Variants in GLIS3 observed in about 807,000 individuals in gnomAD.
The protein encoded by GLIS3 is GLIS family zinc finger 3, also known as zinc finger protein GLIS3.
A neutral mutation model predicts 78.6 loss-of-function variants in GLIS3; 53 were observed. The observed-to-expected ratio is 0.67, with a 90% CI of 0.54 to 0.85. The LOEUF (loss-of-function observed/expected upper bound fraction) is 0.85, where lower values mean the gene tolerates loss of function less well. GLIS3 is among the 40% of genes least tolerant of loss of function. GLIS3 has a pLI of 0.00. For missense variants in GLIS3, 1,703 were observed against 1,231.1 expected (o/e 1.38, Z -5.74); for synonymous variants, 684 against 509.9 (o/e 1.34, Z -4.60).
At chr9:3,911,584 C>T (rs1463517385) in intron 6 of GLIS3, among the ~76,000 whole-genome samples, 1 of 152,194 alleles carries the variant, frequency 6.6e-6, no homozygotes, top group African/African-American at 2.4e-5. Context: ...CTTATAATAG[C>T]CTATCCACAA....
chr9:4,137,113 T>C (rs1294754923), intron 2 of GLIS3, among the ~76,000 whole-genome samples: 2 of 152,052 alleles, frequency 1.3e-5, no homozygotes, highest in Non-Finnish European at 2.9e-5. Context: ...AATGACAAAA[T>C]AAGAAAGCAA....
At chr9:4,298,813 G>A (rs546735107) in intron 1 of GLIS3, among the ~76,000 whole-genome samples, 53 of 152,288 alleles carry the variant, frequency 3.5e-4, no homozygotes, top group African/African-American at 1.3e-3. Context: ...CCCGCGAGGA[G>A]TGTAGGTACC....
At chr9:4,487,023 A>T in the GLIS3 span, among the ~76,000 whole-genome samples, 81 of 152,266 alleles carry the variant, frequency 5.3e-4, no homozygotes, top group Admixed American at 1.2e-3. Context: ...TGGAAATGCA[A>T]AAAGTAGAAG....
rs145621667 is a variant in GLIS3, at chr9:4,282,350, A to G, written c.388+3688T>C. 1.2e-3 allele frequency among the ~76,000 whole-genome samples: 180 copies of G among 152,296 alleles called. 1 individual carries two copies. The East Asian group carries it at 0.027, about 23-fold the overall frequency. ...TTCTATGAGGGTGTTTTTGGGTAAG[A>G]TTAACATTTAGTCAGTACACTGAGT... On this transcript the variant is annotated intron_variant, in intron 2 of 10. Coordinates refer to ENST00000381971, the MANE Select transcript of GLIS3 (RefSeq NM_001042413.2).
chr9:4,271,583 T>TA (rs1416503762), intron 2 of GLIS3, among the ~76,000 whole-genome samples: 1 of 152,176 alleles, frequency 6.6e-6, no homozygotes, highest in African/African-American at 2.4e-5. Context: ...GGCATATTCT[T>TA]ACAGTTTCTC....
intron 1 of GLIS3, among the ~76,000 whole-genome samples, chr9:4,347,451 G>T (rs986719830): frequency 6.6e-6 from 1 of 152,078 alleles, no homozygotes; most frequent in African/African-American, 2.4e-5. Flanking sequence ...AAAGTATCTG[G>T]ATCAGGGCTA....
At chr9:3,865,704 G>A (rs10491902) in intron 8 of GLIS3, among the ~76,000 whole-genome samples, 29,351 of 152,104 alleles carry the variant, frequency 0.19, 3,166 homozygotes, top group Middle Eastern at 0.24. Context: ...GGACTAAGAA[G>A]ACATCATCTT....
the GLIS3 span, among the ~76,000 whole-genome samples, chr9:4,407,971 T>C: frequency 6.6e-6 from 1 of 152,176 alleles, no homozygotes; most frequent in Admixed American, 6.5e-5. Context: ...TGAAAAGACA[T>C]TTCTAAGATG....
chr9:4,296,664 G>A (rs1816534919), intron 1 of GLIS3, among the ~76,000 whole-genome samples: 1 of 152,132 alleles, frequency 6.6e-6, no homozygotes, highest in South Asian at 2.1e-4. Flanking sequence ...GTTAACAGCA[G>A]CACTTAAATT....
chr9:4,195,672 T>C (rs1048477752), intron 2 of GLIS3, among the ~76,000 whole-genome samples: 1 of 152,266 alleles, frequency 6.6e-6, no homozygotes, highest in Non-Finnish European at 1.5e-5. Context: ...GGCTATGGCA[T>C]GGCACTGGCG....
chr9:4,259,735 G>T (rs923437164), intron 2 of GLIS3, among the ~76,000 whole-genome samples: 6 of 152,174 alleles, frequency 3.9e-5, no homozygotes, highest in Non-Finnish European at 7.3e-5. Context: ...AGATGGGGTG[G>T]GGTGGGCAGC....
At chr9:4,083,770 A>G (rs1466200011) in intron 4 of GLIS3, among the ~76,000 whole-genome samples, 3 of 152,244 alleles carry the variant, frequency 2.0e-5, no homozygotes, top group Non-Finnish European at 4.4e-5. Context: ...AAGGAGAGCT[A>G]TAAAAATTAC....
chr9:4,253,051 C>A (rs146629255), intron 2 of GLIS3, among the ~76,000 whole-genome samples: 7 of 152,354 alleles, frequency 4.6e-5, no homozygotes, highest in Non-Finnish European at 7.3e-5. Flanking sequence ...CTCTGTCAAC[C>A]CCTGATGGGA....
At chr9:4,307,887 T>G (rs544174785) in intron 4 of GLIS3, among the ~76,000 whole-genome samples, 1 of 152,134 alleles carries the variant, frequency 6.6e-6, no homozygotes, top group Non-Finnish European at 1.5e-5. Context: ...CAAGGAAACC[T>G]GTGTCAGACT....
intron 4 of GLIS3, among the ~76,000 whole-genome samples, chr9:3,980,025 A>C (rs775991988): frequency 9.2e-5 from 14 of 152,252 alleles, no homozygotes; most frequent in Non-Finnish European, 1.8e-4. Flanking sequence ...CTGGGGTCAG[A>C]GGAGGTCTCC....
chr9:4,448,220 C>G, the GLIS3 span, among the ~76,000 whole-genome samples: 1 of 152,186 alleles, frequency 6.6e-6, no homozygotes, highest in Non-Finnish European at 1.5e-5. Flanking sequence ...TTGCTAACTC[C>G]CCATTCCCAT....
rs113109993 is a variant in GLIS3 at position 4,156,821 on chromosome 9, T to C, written c.389-30880A>G. Among the ~76,000 whole-genome samples the C allele has an allele frequency of 1.7e-3, 266 of 152,032 alleles. 4 individuals carry two copies. The highest frequency in any genetic ancestry group is 5.9e-3 in the African/African-American group (243 of 41,470). ...CAAAAGGGTATATGATAAGAGTGTCTCTGAAAAAAAAATGCCCTCTCCCAG... is the reference window on the plus strand; with the variant it reads ...CAAAAGGGTATATGATAAGAGTGTCCCTGAAAAAAAAATGCCCTCTCCCAG... On this transcript the variant is annotated intron_variant, in intron 2 of 10. Transcript: ENST00000381971.
At chr9:4,325,320 G>C (rs1817584071) in intron 2 of GLIS3, among the ~76,000 whole-genome samples, 1 of 152,268 alleles carries the variant, frequency 6.6e-6, no homozygotes, top group East Asian at 1.9e-4. Flanking sequence ...ACTTAAAAAG[G>C]GTAGAGTACC....
rs1835499489 is a variant in GLIS3 at position 4,161,777 on chromosome 9, C to A, written c.389-35836G>T. ...CACTGTAGCCTCTGCCTCCCAGGTT[C>A]CAAGCAATCCTCCCCACTCAGCCTC... On this transcript the variant is annotated intron_variant, in intron 2 of 10. Transcript: ENST00000381971. Among the ~76,000 whole-genome samples the A allele has an allele frequency of 4.1e-5, 6 of 144,806 alleles. No individual in the cohort carries two copies. In the Admixed American group the frequency reaches 4.4e-4, roughly 11 times the overall value. The allele number at this position is 144,806 out of a possible 152,430, so 95.0% of individuals were successfully genotyped here. A position where few individuals can be genotyped will look rare whatever the true frequency, so the allele number is the denominator to read the frequency against.
Sources: allele counts gnomAD v4.1 joint callset (sites outside exome capture counted in the v4.1 genomes callset), GRCh38; gene constraint gnomAD v4.1.1; transcripts MANE v1.5; gene names NCBI Gene and HGNC (gene_info 2026-07-23, HGNC 2026-07-21).